SCN2B: variants seen among roughly 807,000 people sequenced by gnomAD.
SCN2B encodes the protein sodium channel regulatory subunit beta-2.
In SCN2B, 14 loss-of-function variants were observed where a neutral mutation model predicts 18.2. That is an observed-to-expected ratio of 0.77 (90% CI 0.51 to 1.21). SCN2B has a LOEUF of 1.21. Among genes scored for constraint, SCN2B ranks in the 50% most tolerant of loss-of-function variants. The pLI is 0.00. For synonymous variants in SCN2B, 115 were observed against 115.3 expected, an observed-to-expected ratio of 1.00 and a Z score of 0.02; for missense variants, 262 against 286.9, an observed-to-expected ratio of 0.91 and a Z score of 0.63.
rs1055815744 is a variant in SCN2B, at chr11:118,168,536, A to G, written c.237+49T>C. 5.0e-6 allele frequency: 8 copies of G among 1,611,510 alleles called. No individual in the cohort carries two copies. The highest frequency in any genetic ancestry group is 6.8e-6 in the Non-Finnish European group (8 of 1,177,854). On this transcript the variant is annotated intron_variant, in intron 2 of 3. Transcript: ENST00000278947. The surrounding 1 kb of genome is among the most constrained non-coding windows in gnomAD (Gnocchi z 4.7). Reference sequence around the variant, plus strand: ...GTGGTGGGACCAGGGGCTTCATGCCATGGGGCTCCTACCTCCTCCCCTGCC... The same window carrying G: ...GTGGTGGGACCAGGGGCTTCATGCCGTGGGGCTCCTACCTCCTCCCCTGCC...
chr11:118,164,715 G>A lies in SCN2B; in HGVS notation c.*2172C>T, dbSNP rs982436435. The A allele has an allele frequency of 1.3e-5, 2 of 152,654 alleles. No homozygotes were observed. The highest frequency in any genetic ancestry group is 6.5e-5 in the Admixed American group (1 of 15,288). The allele number at this position is 152,654 out of a possible 1,614,324, so 9.5% of individuals were successfully genotyped here. ...TTAGATGCACCAAAAAGTTAATCTT[G>A]GTCCCTACAGTGCCAACCTGGCAGT... On this transcript the variant is annotated 3_prime_UTR_variant, in exon 4 of 4. Transcript: ENST00000278947.
rs645675 is a variant in SCN2B, at chr11:118,168,558, T to C, written c.237+27A>G. 82,998 of 1,613,804 alleles carry C rather than the reference T, an allele frequency of 0.051. 14,316 individuals are homozygous for C. In the African/African-American group the frequency reaches 0.57, roughly 11 times the overall value. On this transcript the variant is annotated intron_variant, in intron 2 of 3. Coordinates refer to ENST00000278947, the MANE Select transcript of SCN2B (RefSeq NM_004588.5). This position sits in a 1 kb window ranked among gnomAD's most constrained non-coding sequence, Gnocchi z 4.7. Reference sequence around the variant, plus strand: ...GCCATGGGGCTCCTACCTCCTCCCCTGCCCCTGCCTTCAGCCCAGGACTCA... The same window carrying C: ...GCCATGGGGCTCCTACCTCCTCCCCCGCCCCTGCCTTCAGCCCAGGACTCA...
chr11:118,166,110 C>CA lies in SCN2B; in HGVS notation c.*776dup, dbSNP rs1286043006. 6.6e-6 allele frequency: 1 copy of CA among 152,644 alleles called. No individual in the cohort carries two copies. Among genetic ancestry groups the CA allele is most frequent in the Non-Finnish European group, 1.5e-5 (1 of 68,390 alleles). The allele number at this position is 152,644 out of a possible 1,614,324, so 9.5% of individuals were successfully genotyped here. On this transcript the variant is annotated 3_prime_UTR_variant, in exon 4 of 4. Transcript: ENST00000278947. The stretch of plus-strand genomic sequence containing the variant: ...CATGGAGCCCCACCCCTCAGCCCCT[C>CA]AGCTGACTTTGAAACTGGCCTCTGT...
chr11:118,174,414 C>G (rs115935421), intron 1 of SCN2B, among the ~76,000 whole-genome samples: 2,425 of 152,178 alleles, frequency 0.016, 50 homozygotes, highest in African/African-American at 0.048. Context: ...GCCCACCTGC[C>G]CTTTCTCTTT....
At chr11:118,171,512 T>A (rs1948430803) in intron 1 of SCN2B, among the ~76,000 whole-genome samples, 1 of 152,236 alleles carries the variant, frequency 6.6e-6, no homozygotes, top group Non-Finnish European at 1.5e-5. Context: ...AGGTCGATCA[T>A]CTTCCCAGGG....
intron 1 of SCN2B, among the ~76,000 whole-genome samples, chr11:118,172,269 T>A (rs186368177): frequency 6.6e-6 from 1 of 152,256 alleles, no homozygotes; most frequent in African/African-American, 2.4e-5. Flanking sequence ...ATACTCTACA[T>A]ACATCACCTC....
intron 1 of SCN2B, among the ~76,000 whole-genome samples, chr11:118,175,092 C>T (rs1023273374): frequency 1.3e-5 from 2 of 152,190 alleles, no homozygotes; most frequent in East Asian, 1.9e-4. Context: ...AATCTACCTC[C>T]GATTGCTGTG....
rs201685069 is a variant in SCN2B, at chr11:118,167,033, C to T, written c.502G>A (p.Gly168Ser). 1 of 1,613,770 alleles carries T rather than the reference C, an allele frequency of 6.2e-7. No homozygotes were observed. The highest frequency in any genetic ancestry group is 1.1e-5 in the South Asian group (1 of 91,084). Residue 168 changes from glycine to serine, a missense_variant, in exon 4 of 4, where the codon GGC becomes AGC. By Grantham distance (56) the Gly-to-Ser change is moderately conservative (BLOSUM62 0). Transcript: ENST00000278947. ...VAVIVGASVG[G>S]FLAVVILVLM... is the part of the protein sequence containing the mutation. ...ACCAAGATGACCACAGCCAGGAAGC[C>T]CCCGACGGAGGCACCCACAATCACG... is the stretch of plus-strand genomic sequence containing the variant.
intron 1 of SCN2B, among the ~76,000 whole-genome samples, chr11:118,174,653 C>A (rs1488040135): frequency 6.6e-6 from 1 of 152,178 alleles, no homozygotes; most frequent in Non-Finnish European, 1.5e-5. Flanking sequence ...TTTGCAGAAG[C>A]TTTAGCTTCC....
Position 118,168,019 on chromosome 11 carries a change from C to T in SCN2B, c.448+66G>A. The T allele has an allele frequency of 1.4e-6, 2 of 1,410,560 alleles. No homozygotes were observed. Among genetic ancestry groups the T allele is most frequent in the South Asian group, 2.4e-5 (2 of 82,634 alleles). 87.4% of individuals were successfully genotyped at this position (1,410,560 alleles called of 1,614,324 possible). A position where few individuals can be genotyped will look rare whatever the true frequency, so the allele number is the denominator to read the frequency against. ...CCTGGCCTCCCCAAAGTGCCCTGAG[C>T]AAATGCCGCAGAGAGTAGGTGGGTG... On this transcript the variant is annotated intron_variant, in intron 3 of 3. Coordinates refer to ENST00000278947, the MANE Select transcript of SCN2B (RefSeq NM_004588.5). The surrounding 1 kb of genome is among the most constrained non-coding windows in gnomAD (Gnocchi z 4.7).
intron 1 of SCN2B, among the ~76,000 whole-genome samples, chr11:118,172,947 C>G (rs1395215270): frequency 6.6e-6 from 1 of 151,656 alleles, no homozygotes; most frequent in Non-Finnish European, 1.5e-5. Context: ...CGGGGCAGCC[C>G]CTGCCTCCCA....
Position 118,176,359 on chromosome 11 carries a change from T to C in SCN2B, c.70+3A>G. 6.2e-7 allele frequency: 1 copy of C among 1,613,434 alleles called. No individual in the cohort carries two copies. The highest frequency in any genetic ancestry group is 8.5e-7 in the Non-Finnish European group (1 of 1,179,496). On this transcript the variant is annotated splice_donor_region_variant and intron_variant, in intron 1 of 3. Coordinates refer to ENST00000278947, the MANE Select transcript of SCN2B (RefSeq NM_004588.5). ...CGGGAGCATGCAGATGTGTCTAACTTACCCAAAGAGAAAAAGAGACTGAGC... is the reference window on the plus strand; with the variant it reads ...CGGGAGCATGCAGATGTGTCTAACTCACCCAAAGAGAAAAAGAGACTGAGC...
Position 118,166,932 on chromosome 11 carries a change from C to T in SCN2B, c.603G>A (p.Glu201=). ...LSTDDLKTEE[E]GKTDGEGNPD... The stretch of plus-strand genomic sequence containing the variant: ...GGTTGCCTTCACCGTCCGTCTTGCC[C>T]TCCTCCTCGGTCTTCAGGTCATCTG... Residue 201 remains glutamate (E), a synonymous_variant, in exon 4 of 4, where the codon GAG becomes GAA. Coordinates refer to ENST00000278947, the MANE Select transcript of SCN2B (RefSeq NM_004588.5). 6.2e-7 allele frequency: 1 copy of T among 1,614,164 alleles called. No homozygotes were observed. The highest frequency in any genetic ancestry group is 1.3e-5 in the African/African-American group (1 of 75,044).
intron 1 of SCN2B, among the ~76,000 whole-genome samples, chr11:118,170,809 T>A (rs908411716): frequency 6.6e-5 from 10 of 152,184 alleles, no homozygotes; most frequent in African/African-American, 2.4e-4. Flanking sequence ...GCTGCTATTA[T>A]CCTCAATTCT....
Position 118,168,666 on chromosome 11 carries a change from G to A in SCN2B, c.156C>T (p.Phe52=), listed in dbSNP as rs961279155. ...NGSDARLPCT[F]NSCYTVNHKQ... is the part of the protein sequence containing the mutation. ...TGTGGTTCACTGTGTAGCAGGAGTTGAAGGTGCAGGGCAGGCGGGCGTCAG... is the reference window on the plus strand; with the variant it reads ...TGTGGTTCACTGTGTAGCAGGAGTTAAAGGTGCAGGGCAGGCGGGCGTCAG... The change falls in exon 2 of 4, where the codon TTC becomes TTT. Residue 52 remains phenylalanine, a synonymous_variant. Coordinates refer to ENST00000278947, the MANE Select transcript of SCN2B (RefSeq NM_004588.5). The surrounding 1 kb of genome is among the most constrained non-coding windows in gnomAD (Gnocchi z 4.7). 4 of 1,614,146 alleles carry A rather than the reference G, an allele frequency of 2.5e-6. No individual in the cohort carries two copies. Among genetic ancestry groups the A allele is most frequent in the Non-Finnish European group, 3.4e-6 (4 of 1,180,052 alleles).
rs1480913895 is a variant in SCN2B, at chr11:118,163,158, A to G, written c.*3729T>C. 2.6e-5 allele frequency: 4 copies of G among 152,592 alleles called. No individual in the cohort carries two copies. The East Asian group carries it at 7.7e-4, about 29-fold the overall frequency. The allele number at this position is 152,592 out of a possible 1,614,324, so 9.5% of individuals were successfully genotyped here. A position where few individuals can be genotyped will look rare whatever the true frequency, so the allele number is the denominator to read the frequency against. ...GAGATGTTTGATATTTGTATATATA[A>G]TATATCTATACCTAGAGAGAGAGAC... On this transcript the variant is annotated 3_prime_UTR_variant, in exon 4 of 4. Coordinates refer to ENST00000278947, the MANE Select transcript of SCN2B (RefSeq NM_004588.5).
intron 1 of SCN2B, among the ~76,000 whole-genome samples, chr11:118,174,091 C>CTTTT (rs1162918445): frequency 0.083 from 5,539 of 67,098 alleles, 36 homozygotes; most frequent in Middle Eastern, 0.15. Context: ...TTTTTCTTTT[C>CTTTT]TTTTTTTTTT....
Position 118,166,676 on chromosome 11 carries a change from C to A in SCN2B, c.*211G>T, listed in dbSNP as rs182045375. 3.1e-5 allele frequency: 19 copies of A among 619,188 alleles called. No individual in the cohort carries two copies. Among genetic ancestry groups the A allele is most frequent in the South Asian group, 5.7e-5 (3 of 52,916 alleles). The allele number at this position is 619,188 out of a possible 1,614,324, so 38.4% of individuals were successfully genotyped here. Reference sequence around the variant, plus strand: ...TTCTCTCCTCTCCCCAGGGCCCACACGTCCCAGAGCATGGCAGGTTTCTCG... The same window carrying A: ...TTCTCTCCTCTCCCCAGGGCCCACAAGTCCCAGAGCATGGCAGGTTTCTCG... On this transcript the variant is annotated 3_prime_UTR_variant, in exon 4 of 4. Transcript: ENST00000278947.
chr11:118,165,879 C>T lies in SCN2B; in HGVS notation c.*1008G>A, dbSNP rs2076884. The stretch of plus-strand genomic sequence containing the variant: ...CAGGTTCCAAGGCCTCCCCTTATGC[C>T]GGCCTCAGGCTTTCCCTTCCCTCTC... On this transcript the variant is annotated 3_prime_UTR_variant, in exon 4 of 4. Transcript: ENST00000278947. 0.1 allele frequency: 15,295 copies of T among 152,280 alleles called. 1,387 individuals are homozygous for T. Among genetic ancestry groups the T allele is most frequent in the African/African-American group, 0.25 (10,230 of 41,512 alleles). The allele number at this position is 152,280 out of a possible 1,614,324, so 9.4% of individuals were successfully genotyped here. A position where few individuals can be genotyped will look rare whatever the true frequency, so the allele number is the denominator to read the frequency against.
Sources: gnomAD v4.1 joint callset for allele counts (sites outside exome capture counted in the v4.1 genomes callset) on GRCh38, gnomAD v4.1.1 for gene constraint, Gnocchi (gnomAD v3.1) non-coding constraint, MANE v1.5 for transcripts, NCBI Gene and HGNC (gene_info 2026-07-23, HGNC 2026-07-21) for gene names.